ROBO2: variants seen among roughly 807,000 people sequenced by gnomAD.
The protein encoded by ROBO2 is roundabout homolog 2.
Under a neutral mutation model 160.8 loss-of-function variants are expected in ROBO2, and 53 were observed. That is an observed-to-expected ratio of 0.33 (90% CI 0.26 to 0.41). The LOEUF (loss-of-function observed/expected upper bound fraction) is 0.41. Among genes scored for constraint, ROBO2 ranks in the 10% least tolerant of loss-of-function variants. The pLI is 1.00. For synonymous variants in ROBO2, 664 were observed against 611.7 expected (o/e 1.09, Z -1.26); for missense variants, 1,577 against 1,722.4 (o/e 0.92, Z 1.49).
intron 2 of ROBO2, among the ~76,000 whole-genome samples, chr3:76,192,194 C>T (rs1487772828): frequency 1.3e-5 from 2 of 149,710 alleles, no homozygotes; most frequent in Non-Finnish European, 3.0e-5. Flanking sequence ...CTGCCATTTC[C>T]CTAGTTAGTG....
At chr3:76,060,742 G>T (rs1268434979) in intron 2 of ROBO2, among the ~76,000 whole-genome samples, 1 of 152,136 alleles carries the variant, frequency 6.6e-6, no homozygotes, top group Non-Finnish European at 1.5e-5. Context: ...TTCAAGTCAG[G>T]AATAGACATC....
chr3:76,154,292 T>C (rs1489092016), intron 2 of ROBO2, among the ~76,000 whole-genome samples: 2 of 152,142 alleles, frequency 1.3e-5, no homozygotes, highest in South Asian at 2.1e-4. Context: ...TTCATGAATA[T>C]ATGATTTTGA....
chr3:77,133,164 T>A (rs1326450467), intron 2 of ROBO2, among the ~76,000 whole-genome samples: 1 of 152,164 alleles, frequency 6.6e-6, no homozygotes, highest in Non-Finnish European at 1.5e-5. Flanking sequence ...AATGTCAAAG[T>A]TTTTTGGGGG....
chr3:76,932,146 A>T (rs528009440), intron 2 of ROBO2, among the ~76,000 whole-genome samples: 1 of 152,222 alleles, frequency 6.6e-6, no homozygotes, highest in Non-Finnish European at 1.5e-5. Context: ...CATATAAAAA[A>T]TAAGAATTCT....
chr3:76,119,866 C>CCCCTTCCTT (rs1451524246), intron 2 of ROBO2, among the ~76,000 whole-genome samples: 1 of 147,888 alleles, frequency 6.8e-6, no homozygotes, highest in African/African-American at 2.5e-5. Context: ...CTCTCTCCCT[C>CCCCTTCCTT]CCCTTCCTTC....
intron 2 of ROBO2, among the ~76,000 whole-genome samples, chr3:76,252,125 G>A (rs1706041972): frequency 6.6e-6 from 1 of 151,962 alleles, no homozygotes; most frequent in South Asian, 2.1e-4. Flanking sequence ...TGAGGTATCA[G>A]CTATATTTTA....
intron 2 of ROBO2, among the ~76,000 whole-genome samples, chr3:76,916,917 C>T (rs1049964320): frequency 6.6e-6 from 1 of 151,984 alleles, no homozygotes; most frequent in Admixed American, 6.6e-5. Context: ...GCAAAACACT[C>T]GTCCATTTGA....
At chr3:76,007,143 G>A (rs1003038542) in intron 2 of ROBO2, among the ~76,000 whole-genome samples, 4 of 151,918 alleles carry the variant, frequency 2.6e-5, no homozygotes, top group African/African-American at 7.3e-5. Flanking sequence ...TGTTACTTTT[G>A]TGCATTATTA....
chr3:76,685,049 A>C (rs2092654612), intron 2 of ROBO2, among the ~76,000 whole-genome samples: 1 of 151,966 alleles, frequency 6.6e-6, no homozygotes, highest in African/African-American at 2.4e-5. Flanking sequence ...AAAAGTCTCT[A>C]CATAGGACAT....
chr3:77,314,294 A>G (rs2063785575), intron 2 of ROBO2, among the ~76,000 whole-genome samples: 1 of 152,208 alleles, frequency 6.6e-6, no homozygotes, highest in South Asian at 2.1e-4. Flanking sequence ...TTTAGGTTCC[A>G]TTGCTACCAA....
intron 2 of ROBO2, among the ~76,000 whole-genome samples, chr3:76,356,687 G>A (rs918356253): frequency 4.0e-5 from 6 of 151,646 alleles, no homozygotes; most frequent in South Asian, 2.1e-4. Context: ...CATATCTACC[G>A]TCATAATTGG....
chr3:76,779,191 A>AATAAAGATAAAAAATATTGAAGTAAG (rs2062471412), intron 2 of ROBO2, among the ~76,000 whole-genome samples: 1 of 151,048 alleles, frequency 6.6e-6, no homozygotes, highest in Non-Finnish European at 1.5e-5. Context: ...AGTAAGATTT[A>AATAAAGATAAAAAATATTGAAGTAAG]CACATAAAAA....
At chr3:77,099,499 G>GC (rs1037585793) in intron 2 of ROBO2, among the ~76,000 whole-genome samples, 38 of 152,134 alleles carry the variant, frequency 2.5e-4, no homozygotes, top group African/African-American at 9.2e-4. Flanking sequence ...TGAGCTATGA[G>GC]CAGTAGGACT....
chr3:76,489,155 T>G (rs1172589875), intron 2 of ROBO2, among the ~76,000 whole-genome samples: 1 of 73,398 alleles, frequency 1.4e-5, no homozygotes, highest in Non-Finnish European at 2.3e-5. Flanking sequence ...CTTTTTTTTG[T>G]TTTTTTTTTT....
chr3:77,204,843 T>G (rs912727110), intron 2 of ROBO2, among the ~76,000 whole-genome samples: 4 of 152,194 alleles, frequency 2.6e-5, no homozygotes, highest in Admixed American at 6.5e-5. Context: ...GGTAGGGAGA[T>G]AGGAATGGGT....
At chr3:77,025,987 C>G (rs1017714360) in intron 2 of ROBO2, among the ~76,000 whole-genome samples, 72 of 152,162 alleles carry the variant, frequency 4.7e-4, no homozygotes, top group African/African-American at 1.6e-3. Context: ...ACGATTGCCA[C>G]CACCATCATT....
intron 2 of ROBO2, among the ~76,000 whole-genome samples, chr3:76,505,043 T>C (rs1228555101): frequency 6.6e-6 from 1 of 152,048 alleles, no homozygotes; most frequent in African/African-American, 2.4e-5. Flanking sequence ...GCAAATGGGA[T>C]AAACAATTAT....
chr3:77,295,746 C>G (rs985687401), intron 2 of ROBO2, among the ~76,000 whole-genome samples: 4 of 149,746 alleles, frequency 2.7e-5, no homozygotes, highest in Non-Finnish European at 5.9e-5. Context: ...AACGGGTAAG[C>G]TGAGGCTAGA....
chr3:77,142,631 C>A (rs576875919), intron 2 of ROBO2, among the ~76,000 whole-genome samples: 2 of 152,270 alleles, frequency 1.3e-5, no homozygotes, highest in East Asian at 3.9e-4. Context: ...AATCAATACG[C>A]GGTGGTCCCT....
Sources: gnomAD v4.1 joint callset for allele counts (sites outside exome capture counted in the v4.1 genomes callset) on GRCh38, gnomAD v4.1.1 for gene constraint, MANE v1.5 for transcripts, NCBI Gene and HGNC (gene_info 2026-07-23, HGNC 2026-07-21) for gene names.